Variants in LRRC4C observed in about 807,000 individuals in gnomAD.
LRRC4C encodes leucine-rich repeat-containing protein 4C.
In LRRC4C, 5 loss-of-function variants were observed where a neutral mutation model predicts 33.6. The observed-to-expected ratio is 0.15, with a 90% CI of 0.08 to 0.31. The LOEUF (loss-of-function observed/expected upper bound fraction) is 0.31, where lower values mean the gene tolerates loss of function less well. LRRC4C is among the 10% of genes least tolerant of loss of function. The pLI is 1.00. For synonymous variants in LRRC4C, 329 were observed against 302.0 expected, an observed-to-expected ratio of 1.09 and a Z score of -0.93; for missense variants, 560 against 796.7, an observed-to-expected ratio of 0.70 and a Z score of 3.58.
chr11:40,179,717 G>A (rs1164153918), intron 5 of LRRC4C, among the ~76,000 whole-genome samples: 1 of 152,186 alleles, frequency 6.6e-6, no homozygotes. Flanking sequence ...GGCACCAGCA[G>A]CGGAGAAAAG....
chr11:40,124,973 A>C (rs1201700001), intron 6 of LRRC4C, among the ~76,000 whole-genome samples: 1 of 150,884 alleles, frequency 6.6e-6, no homozygotes, highest in Non-Finnish European at 1.5e-5. Flanking sequence ...AAAAAAGAAT[A>C]TATATATATA....
intron 1 of LRRC4C, among the ~76,000 whole-genome samples, chr11:41,376,606 T>C (rs1278007479): frequency 6.6e-6 from 1 of 152,182 alleles, no homozygotes; most frequent in Non-Finnish European, 1.5e-5. Flanking sequence ...TAAAGAGATA[T>C]TACTCATAGT....
intron 1 of LRRC4C, among the ~76,000 whole-genome samples, chr11:41,017,837 TATCTG>T (rs1310642879): frequency 2.0e-5 from 3 of 151,184 alleles, no homozygotes; most frequent in Non-Finnish European, 3.0e-5. Context: ...ACACAGAGGA[TATCTG>T]ATCTAAGAGA....
At chr11:41,441,386 T>C (rs1192907759) in intron 1 of LRRC4C, among the ~76,000 whole-genome samples, 1 of 152,048 alleles carries the variant, frequency 6.6e-6, no homozygotes, top group Non-Finnish European at 1.5e-5. Flanking sequence ...AGGGACTTCC[T>C]CTGGATATGA....
At chr11:40,952,870 ACACACACACACACACACACACACACACT>A (rs1166863852) in intron 1 of LRRC4C, among the ~76,000 whole-genome samples, 3 of 105,186 alleles carry the variant, frequency 2.9e-5, no homozygotes, top group African/African-American at 6.1e-5. Context: ...ACACACACAC[ACACACACACACACACACACACACACACT>A]CTCTCTCTCT....
At chr11:40,365,151 G>A (rs889687385) in intron 3 of LRRC4C, among the ~76,000 whole-genome samples, 1 of 151,248 alleles carries the variant, frequency 6.6e-6, no homozygotes, top group Non-Finnish European at 1.5e-5. Flanking sequence ...AAAGATATGG[G>A]GAAACTTAAA....
rs991525395 is a variant in LRRC4C at position 40,988,997 on chromosome 11, G to C, written c.-495-55274C>G. Among the ~76,000 whole-genome samples the C allele has an allele frequency of 5.9e-5, 9 of 152,058 alleles. No homozygotes were observed. In the East Asian group the frequency reaches 1.5e-3, roughly 26 times the overall value. On this transcript the variant is annotated intron_variant, in intron 1 of 6. Coordinates refer to ENST00000528697, the MANE Select transcript of LRRC4C (RefSeq NM_001258419.2). Reference sequence around the variant, plus strand: ...GGCCTCCTAAAGTGCTAGGATTACAGGCGTGAGCCACCGCGCCTGGCCTCA... The same window carrying C: ...GGCCTCCTAAAGTGCTAGGATTACACGCGTGAGCCACCGCGCCTGGCCTCA...
At chr11:41,244,373 G>A (rs1948371703) in intron 1 of LRRC4C, among the ~76,000 whole-genome samples, 1 of 152,140 alleles carries the variant, frequency 6.6e-6, no homozygotes, top group Non-Finnish European at 1.5e-5. Flanking sequence ...AATAGAAGTA[G>A]ATTCCTGTTT....
chr11:40,270,807 C>T (rs745718475), intron 4 of LRRC4C, among the ~76,000 whole-genome samples: 3 of 152,144 alleles, frequency 2.0e-5, no homozygotes, highest in Non-Finnish European at 4.4e-5. Context: ...GCATCTATAG[C>T]TGCAACTAAT....
chr11:41,253,973 T>G (rs2136666429), intron 1 of LRRC4C, among the ~76,000 whole-genome samples: 1 of 152,208 alleles, frequency 6.6e-6, no homozygotes, highest in African/African-American at 2.4e-5. Flanking sequence ...CTTTAACTCT[T>G]AATTAACAGC....
chr11:40,308,919 A>G (rs1361060461), intron 4 of LRRC4C, among the ~76,000 whole-genome samples: 1 of 152,234 alleles, frequency 6.6e-6, no homozygotes, highest in East Asian at 1.9e-4. Context: ...ATGAATCATC[A>G]GAATGGGCTG....
chr11:41,250,284 GA>G (rs1948598134), intron 1 of LRRC4C, among the ~76,000 whole-genome samples: 1 of 152,144 alleles, frequency 6.6e-6, no homozygotes, highest in Non-Finnish European at 1.5e-5. Flanking sequence ...TCAACAAAAT[GA>G]AACTTTCCTC....
At chr11:40,337,038 T>C (rs1590357916) in intron 3 of LRRC4C, among the ~76,000 whole-genome samples, 1 of 114,230 alleles carries the variant, frequency 8.8e-6, no homozygotes. Context: ...TGGAGGAGAG[T>C]GGTCAGGGAC....
chr11:40,818,620 C>A lies in LRRC4C; in HGVS notation c.-407+115015G>T, dbSNP rs544076385. On this transcript the variant is annotated intron_variant, in intron 2 of 6. Coordinates refer to ENST00000528697, the MANE Select transcript of LRRC4C (RefSeq NM_001258419.2). The stretch of plus-strand genomic sequence containing the variant: ...TTTACTTCCTAAAAACAAATATAAG[C>A]ACATTTTTCAAAATAATTTTAAGAC... Among the ~76,000 whole-genome samples, 13 of 152,008 alleles carry A rather than the reference C, an allele frequency of 8.6e-5. No homozygotes were observed. The South Asian group carries it at 2.7e-3, about 31-fold the overall frequency.
At chr11:40,527,688 AATAG>A (rs1485705032) in intron 3 of LRRC4C, among the ~76,000 whole-genome samples, 1 of 152,186 alleles carries the variant, frequency 6.6e-6, no homozygotes, top group Non-Finnish European at 1.5e-5. Flanking sequence ...GAACTATCTA[AATAG>A]ATAATGAGTA....
At chr11:40,365,798 C>A (rs760271285) in intron 3 of LRRC4C, among the ~76,000 whole-genome samples, 2 of 151,958 alleles carry the variant, frequency 1.3e-5, no homozygotes, top group Non-Finnish European at 2.9e-5. Context: ...TATTTAAAGT[C>A]CCCAAGTGGG....
chr11:40,617,030 T>C (rs1312082613), intron 3 of LRRC4C, among the ~76,000 whole-genome samples: 1 of 151,762 alleles, frequency 6.6e-6, no homozygotes, highest in African/African-American at 2.4e-5. Flanking sequence ...ACTTCACTCA[T>C]TTTTAAGTCC....
chr11:41,068,384 C>A (rs1293309018), intron 1 of LRRC4C, among the ~76,000 whole-genome samples: 1 of 151,874 alleles, frequency 6.6e-6, no homozygotes, highest in Admixed American at 6.6e-5. Flanking sequence ...GAGTGGGACT[C>A]CGTCCCCTCC....
chr11:40,932,901 A>G (rs961848629), intron 2 of LRRC4C, among the ~76,000 whole-genome samples: 1 of 152,198 alleles, frequency 6.6e-6, no homozygotes, highest in African/African-American at 2.4e-5. Context: ...AAGAGGTATG[A>G]GCAAACAGAC....
Sources: gnomAD v4.1 joint callset for allele counts (sites outside exome capture counted in the v4.1 genomes callset) on GRCh38, gnomAD v4.1.1 for gene constraint, MANE v1.5 for transcripts, NCBI Gene and HGNC (gene_info 2026-07-23, HGNC 2026-07-21) for gene names.